The following CNTNAP2 variants were observed in gnomAD, a reference collection of about 807,000 sequenced individuals.
CNTNAP2 encodes contactin associated protein 2, also known as contactin-associated protein-like 2.
A neutral mutation model predicts 155.2 loss-of-function variants in CNTNAP2; 98 were observed. The observed-to-expected ratio is 0.63, with a 90% CI of 0.54 to 0.75. The LOEUF (loss-of-function observed/expected upper bound fraction) is 0.75, where lower values mean the gene tolerates loss of function less well. Ranked by LOEUF, CNTNAP2 falls within the 30% of genes least tolerant of loss-of-function variation. The probability of loss-of-function intolerance (pLI) is 0.00; values close to 1 mark genes in which losing one functional copy is unlikely to be tolerated. For synonymous variants in CNTNAP2, 651 were observed against 631.2 expected (o/e 1.03, Z -0.47); for missense variants, 1,727 against 1,688.1 (o/e 1.02, Z -0.40).
intron 1 of CNTNAP2, among the ~76,000 whole-genome samples, chr7:146,693,404 G>C (rs941529153): frequency 6.6e-6 from 1 of 151,326 alleles, no homozygotes; most frequent in African/African-American, 2.4e-5. Context: ...CATTAACTTT[G>C]TTTCTTCTTA....
chr7:146,535,924 A>G (rs936628971), intron 1 of CNTNAP2, among the ~76,000 whole-genome samples: 4 of 152,152 alleles, frequency 2.6e-5, no homozygotes, highest in African/African-American at 9.7e-5. Context: ...GCATTTAATT[A>G]TGCTTACAAA....
chr7:146,242,026 A>G (rs1237229710), intron 1 of CNTNAP2, among the ~76,000 whole-genome samples: 1 of 152,178 alleles, frequency 6.6e-6, no homozygotes, highest in African/African-American at 2.4e-5. Context: ...ACTTCTTCAC[A>G]TGTCAATTTC....
chr7:148,183,856 G>C (rs188148305), intron 18 of CNTNAP2, among the ~76,000 whole-genome samples: 78 of 152,250 alleles, frequency 5.1e-4, no homozygotes, highest in Non-Finnish European at 1.3e-4. Context: ...TTAGGAGTTA[G>C]ATTAGCTTAA....
At chr7:147,310,686 AAG>A (rs1404853362) in intron 9 of CNTNAP2, among the ~76,000 whole-genome samples, 6 of 152,140 alleles carry the variant, frequency 3.9e-5, no homozygotes, top group African/African-American at 1.4e-4. Flanking sequence ...CAAAAAGAAA[AAG>A]AAATCTTTAA....
At chr7:146,214,867 AATG>A (rs905424108) in intron 1 of CNTNAP2, among the ~76,000 whole-genome samples, 1 of 152,208 alleles carries the variant, frequency 6.6e-6, no homozygotes. Flanking sequence ...AATGGATTTT[AATG>A]ATAATATTGG....
chr7:146,714,673 T>C (rs953687721), intron 1 of CNTNAP2, among the ~76,000 whole-genome samples: 3 of 152,184 alleles, frequency 2.0e-5, no homozygotes, highest in African/African-American at 4.8e-5. Flanking sequence ...AGATAACTAA[T>C]TGGAAATCAT....
At chr7:148,323,294 CTTTTTTTTTTTTTTT>C (rs60109355) in intron 21 of CNTNAP2, among the ~76,000 whole-genome samples, 8 of 49,466 alleles carry the variant, frequency 1.6e-4, no homozygotes, top group Non-Finnish European at 3.4e-5. Context: ...TTATGGATTT[CTTTTTTTTTTTTTTT>C]TTTTTTTTTT....
At chr7:147,764,498 G>C (rs746667160) in intron 13 of CNTNAP2, among the ~76,000 whole-genome samples, 17 of 152,206 alleles carry the variant, frequency 1.1e-4, no homozygotes, top group Non-Finnish European at 2.2e-4. Context: ...CTATGATATG[G>C]CTCCCTCCTA....
At chr7:147,598,570 C>T (rs1385315218) in intron 12 of CNTNAP2, among the ~76,000 whole-genome samples, 2 of 152,138 alleles carry the variant, frequency 1.3e-5, no homozygotes, top group East Asian at 1.9e-4. Flanking sequence ...TTCTATTCAG[C>T]ATCCTCATTT....
At chr7:146,842,793 C>T (rs1205118330) in intron 3 of CNTNAP2, among the ~76,000 whole-genome samples, 1 of 151,790 alleles carries the variant, frequency 6.6e-6, no homozygotes, top group Non-Finnish European at 1.5e-5. Flanking sequence ...TCACGCCATT[C>T]TCCTGCCTCA....
chr7:148,300,177 G>T (rs945524854), intron 21 of CNTNAP2, among the ~76,000 whole-genome samples: 1 of 152,188 alleles, frequency 6.6e-6, no homozygotes, highest in Admixed American at 6.5e-5. Flanking sequence ...AGGAGATTTT[G>T]TCAAAGAAAA....
At chr7:146,383,261 C>T (rs1795416001) in intron 1 of CNTNAP2, among the ~76,000 whole-genome samples, 1 of 152,102 alleles carries the variant, frequency 6.6e-6, no homozygotes, top group Admixed American at 6.6e-5. Flanking sequence ...AAAATGTGCT[C>T]TTCCAATCAA....
At chr7:147,452,135 T>G (rs937921027) in intron 10 of CNTNAP2, among the ~76,000 whole-genome samples, 2 of 152,134 alleles carry the variant, frequency 1.3e-5, no homozygotes, top group African/African-American at 4.8e-5. Context: ...ATGACATGAG[T>G]GTTTTGAGAT....
At chr7:146,851,702 T>G (rs1456042645) in intron 3 of CNTNAP2, among the ~76,000 whole-genome samples, 4 of 130,732 alleles carry the variant, frequency 3.1e-5, no homozygotes, top group South Asian at 2.6e-4. Flanking sequence ...GTGTGTGTGT[T>G]TTGATGGTAT....
At chr7:146,534,827 G>T (rs1348322187) in intron 1 of CNTNAP2, among the ~76,000 whole-genome samples, 1 of 150,942 alleles carries the variant, frequency 6.6e-6, no homozygotes, top group Non-Finnish European at 1.5e-5. Flanking sequence ...TCCAAGCTGA[G>T]CAATTTATTG....
intron 21 of CNTNAP2, among the ~76,000 whole-genome samples, chr7:148,276,669 T>C (rs533523158): frequency 1.3e-5 from 2 of 152,354 alleles, no homozygotes; most frequent in South Asian, 4.1e-4. Flanking sequence ...GTTAAGGTTT[T>C]AATGTTATCT....
chr7:147,935,285 C>T (rs1345532443), intron 14 of CNTNAP2, among the ~76,000 whole-genome samples: 2 of 152,058 alleles, frequency 1.3e-5, no homozygotes, highest in Non-Finnish European at 2.9e-5. Context: ...CGTCACCACA[C>T]CTGGCTAATT....
chr7:146,976,643 T>C (rs572672898), intron 3 of CNTNAP2, among the ~76,000 whole-genome samples: 84 of 152,264 alleles, frequency 5.5e-4, no homozygotes, highest in Non-Finnish European at 9.7e-4. Context: ...CATCACCCTC[T>C]AGGAACCTCC....
At chr7:148,162,244 C>G (rs1220485253) in intron 17 of CNTNAP2, among the ~76,000 whole-genome samples, 1 of 152,174 alleles carries the variant, frequency 6.6e-6, no homozygotes, top group Non-Finnish European at 1.5e-5. Flanking sequence ...ACCAGCAGGA[C>G]ACTTAATATG....
Sources: allele counts gnomAD v4.1 joint callset (sites outside exome capture counted in the v4.1 genomes callset), GRCh38; gene constraint gnomAD v4.1.1; transcripts MANE v1.5; gene names NCBI Gene and HGNC (gene_info 2026-07-23, HGNC 2026-07-21).